DPP7: variants seen among roughly 807,000 people sequenced by gnomAD.
DPP7 encodes dipeptidyl peptidase 7, also known as dipeptidyl peptidase 2.
Under a neutral mutation model 58.8 loss-of-function variants are expected in DPP7, and 74 were observed. The ratio of observed to expected loss-of-function variants is 1.26; its 90% CI spans 1.04 to 1.53. The LOEUF is 1.53. Ranked by LOEUF, DPP7 falls within the 40% of genes most tolerant of loss-of-function variation. DPP7 has a pLI of 0.00. For synonymous variants in DPP7, 350 were observed against 303.6 expected (o/e 1.15, Z -1.59); for missense variants, 807 against 692.3 (o/e 1.17, Z -1.86).
intron 11 of DPP7, 67 bp downstream of exon 11, chr9:137,111,623 G>A: frequency 6.4e-7 from 1 of 1,564,196 alleles, no homozygotes; most frequent in Non-Finnish European, 8.8e-7. Flanking sequence ...GGGCGCCAGA[G>A]AAAGACCCTG....
rs1414482248 is a variant in DPP7 at position 137,114,548 on chromosome 9, C to A, written c.96G>T (p.Gln32His). Residue 32 changes from glutamine (Q) to histidine (H), a missense_variant, in exon 2 of 13, where the codon CAG becomes CAT. By Grantham distance (24) the Gln-to-His change is conservative. This residue lies in a region of DPP7 where 168 missense variants were observed against 124.1 expected (regional missense o/e 1.35). Transcript: ENST00000371579. ...GARRAPDPGF[Q>H]ERFFQQRLDH... ...CCAGACGCTGCTGGAAGAAGCGCTCCTGGAAGCCGGGGTCCGGGGCCCTGC... is the reference window on the plus strand; with the variant it reads ...CCAGACGCTGCTGGAAGAAGCGCTCATGGAAGCCGGGGTCCGGGGCCCTGC... 1 of 1,566,856 alleles carries A rather than the reference C, an allele frequency of 6.4e-7. No individual in the cohort carries two copies. The highest frequency in any genetic ancestry group is 1.2e-5 in the South Asian group (1 of 86,012).
intron 11 of DPP7, 150 bp downstream of exon 11, chr9:137,111,540 C>T: frequency 1.2e-6 from 1 of 816,140 alleles, no homozygotes. Flanking sequence ...CCTGTAGTCC[C>T]AGTTACTGGG....
upstream of DPP7, among the ~76,000 whole-genome samples, chr9:137,117,279 C>A (rs1438061385): frequency 6.6e-6 from 1 of 152,212 alleles, no homozygotes. Flanking sequence ...GCAGGAGGAC[C>A]CCAGGTCTGC....
upstream of DPP7, among the ~76,000 whole-genome samples, chr9:137,115,475 G>A (rs1178675234): frequency 6.6e-6 from 1 of 152,178 alleles, no homozygotes; most frequent in Non-Finnish European, 1.5e-5. Context: ...GTGGGTGCCA[G>A]ACTAGCTACG....
rs1001229725 is a variant in DPP7 at position 137,112,337 on chromosome 9, C to T, written c.932-107G>A. 1.5e-5 allele frequency: 14 copies of T among 958,362 alleles called. No homozygotes were observed. In the South Asian group the frequency reaches 2.3e-4, roughly 16 times the overall value. The allele number at this position is 958,362 out of a possible 1,614,324, so 59.4% of individuals were successfully genotyped here. On this transcript the variant is annotated intron_variant, in intron 8 of 12. Coordinates refer to ENST00000371579, the MANE Select transcript of DPP7 (RefSeq NM_013379.3). ...ATGGTCCTGCAGGGGATCTGGGGCT[C>T]TGGGATCTGTAGGTCCCAGTGAGGA...
In DPP7 at chr9:137,112,959, G is replaced by A. The variant is rs147788989; in HGVS notation, c.864C>T (p.Pro288=). 1.1e-5 allele frequency: 18 copies of A among 1,613,322 alleles called. No homozygotes were observed. The East Asian group carries it at 2.5e-4, about 22-fold the overall frequency. The change falls in exon 7 of 13, where the codon CCC becomes CCT. Residue 288 remains proline, a synonymous_variant. Transcript: ENST00000371579. The stretch of plus-strand genomic sequence containing the variant: ...CTGGGAGGCGGCGCCTCACCTTGAC[G>A]GGGTTGGCAGGGAGGGGACCCAGGA... The part of the protein sequence containing the change: ...TDFLGPLPAN[P]VKVGCDRLLS...
At chr9:137,112,678 C>A (rs1172142033) in intron 8 of DPP7, 67 bp downstream of exon 8, 2 of 1,533,126 alleles carry the variant, frequency 1.3e-6, no homozygotes, top group African/African-American at 1.4e-5. Flanking sequence ...TCGCCCCACC[C>A]GGCCCCAGGA....
intron 6 of DPP7, 43 bp downstream of exon 6, chr9:137,113,163 G>T (rs1239196059): frequency 1.1e-5 from 18 of 1,613,562 alleles, no homozygotes; most frequent in Non-Finnish European, 1.5e-5. Context: ...CATAGCTGGC[G>T]CTGGGGCGGG....
chr9:137,114,633 G>T lies in DPP7; in HGVS notation c.67+14C>A. ...CCGGGACCGGGGAATGGGCCGGGGG[G>T]CGCCGCCACTCACCCCCCGCCTGGA... On this transcript the variant is annotated intron_variant, in intron 1 of 12. Coordinates refer to ENST00000371579, the MANE Select transcript of DPP7 (RefSeq NM_013379.3). The T allele has an allele frequency of 7.2e-7, 1 of 1,397,048 alleles. No homozygotes were observed. The highest frequency in any genetic ancestry group is 9.3e-7 in the Non-Finnish European group (1 of 1,076,068). 86.5% of individuals were successfully genotyped at this position (1,397,048 alleles called of 1,614,324 possible).
chr9:137,114,645 A>G lies in DPP7; in HGVS notation c.67+2T>C. The G allele has an allele frequency of 7.3e-7, 1 of 1,375,168 alleles. No individual in the cohort carries two copies. The highest frequency in any genetic ancestry group is 9.4e-7 in the Non-Finnish European group (1 of 1,065,470). 85.2% of individuals were successfully genotyped at this position (1,375,168 alleles called of 1,614,324 possible). On this transcript the variant is annotated splice_donor_variant, in intron 1 of 12. Coordinates refer to ENST00000371579, the MANE Select transcript of DPP7 (RefSeq NM_013379.3). LOFTEE classifies it high-confidence loss of function. ...AATGGGCCGGGGGGCGCCGCCACTC[A>G]CCCCCCGCCTGGAGGCCGCGCAGCC...
intron 1 of DPP7, 30 bp from the exon 2 acceptor site, chr9:137,114,606 G>T: frequency 6.9e-7 from 1 of 1,453,684 alleles, no homozygotes. Context: ...TCAGAGGCGG[G>T]GCCGGGACCG....
upstream of DPP7, among the ~76,000 whole-genome samples, chr9:137,115,720 G>A (rs1385593903): frequency 1.3e-5 from 2 of 152,080 alleles, no homozygotes; most frequent in Non-Finnish European, 2.9e-5. Flanking sequence ...CATGGTGGGT[G>A]ACTGGTGGCT....
chr9:137,110,609 C>T lies in DPP7; in HGVS notation c.*39G>A, dbSNP rs764526435. 5.0e-6 allele frequency: 8 copies of T among 1,590,634 alleles called. No individual in the cohort carries two copies. The highest frequency in any genetic ancestry group is 6.8e-6 in the Non-Finnish European group (8 of 1,168,300). ...CCGCCAGCTGCTTGAGTGAAGCCCC[C>T]ACTCCATGAGGAGCCTTGAGACCCC... On this transcript the variant is annotated 3_prime_UTR_variant, in exon 13 of 13. Transcript: ENST00000371579.
Position 137,114,528 on chromosome 9 carries a change from C to T in DPP7, c.116G>A (p.Arg39His). Reference sequence around the variant, plus strand: ...GCGCTCGAAGTTGAAGTGGTCCAGACGCTGCTGGAAGAAGCGCTCCTGGAA... The same window carrying T: ...GCGCTCGAAGTTGAAGTGGTCCAGATGCTGCTGGAAGAAGCGCTCCTGGAA... ...PGFQERFFQQ[R>H]LDHFNFERFG... Residue 39 changes from arginine to histidine, a missense_variant, in exon 2 of 13, where the codon CGT (arginine) becomes CAT (histidine). Arg to His is a conservative substitution (Grantham distance 29). Transcript: ENST00000371579. The T allele has an allele frequency of 3.2e-6, 5 of 1,580,038 alleles. No homozygotes were observed. Among genetic ancestry groups the T allele is most frequent in the Non-Finnish European group, 4.3e-6 (5 of 1,164,470 alleles).
chr9:137,110,936 C>T lies in DPP7; in HGVS notation c.1287G>A (p.Leu429=), dbSNP rs1000152032. The T allele has an allele frequency of 8.7e-6, 14 of 1,612,994 alleles. No individual in the cohort carries two copies. In the African/African-American group the frequency reaches 1.5e-4, roughly 17 times the overall value. Residue 429 remains leucine (L), a synonymous_variant, in exon 12 of 13, where the codon CTG becomes CTA. Transcript: ENST00000371579. Reference sequence around the variant, plus strand: ...TGGTGACGGCGATGACTGAGGCACTCAGGTTCCTCCGAATCTGTGGTCAGT... The same window carrying T: ...TGGTGACGGCGATGACTGAGGCACTTAGGTTCCTCCGAATCTGTGGTCAGT... The part of the protein sequence containing the change: ...PWAGGGIRRN[L]SASVIAVTIQ...
At position 137,112,994 on chromosome 9, in the gene DPP7, G is replaced by GGT. The variant is rs755027514; in HGVS notation, c.827_828dup (p.Pro277ThrfsTer22). On this transcript the variant is annotated frameshift_variant, in exon 7 of 13. Transcript: ENST00000371579. LOFTEE classifies it high-confidence loss of function. Reference sequence around the variant, plus strand: ...GGGAGGGGACCCAGGAAGTCAGTGGGGTAGGGGTAGTCCATCATGGCCAGC... The same window carrying GGT: ...GGGAGGGGACCCAGGAAGTCAGTGGGGTGTAGGGGTAGTCCATCATGGCCAGC... 6.2e-7 allele frequency: 1 copy of GGT among 1,613,680 alleles called. No individual in the cohort carries two copies. Among genetic ancestry groups the GGT allele is most frequent in the South Asian group, 1.1e-5 (1 of 91,090 alleles).
At position 137,113,924 on chromosome 9, in the gene DPP7, G is replaced by A. The variant is rs1024769563; in HGVS notation, c.426C>T (p.Leu142=). 6 of 1,581,772 alleles carry A rather than the reference G, an allele frequency of 3.8e-6. No individual in the cohort carries two copies. The Middle Eastern group carries it at 8.9e-4, about 234-fold the overall frequency. ...CCCCGAGGTCGCGTCGTAGCGCGCG[G>A]AGCAGCTCTGCGAAGTCGGCCAGGG... ...EQALADFAEL[L]RALRRDLGAQ... Residue 142 remains leucine, a synonymous_variant, in exon 4 of 13, where the codon CTC becomes CTT. Transcript: ENST00000371579.
Position 137,112,135 on chromosome 9 carries a change from C to T in DPP7, c.1027G>A (p.Asp343Asn), listed in dbSNP as rs774050764. ...ACCTGGTAGTCCCAGGCCCTGGCGT[C>T]GGGGCCGGTGCCGCAGCCAGTGGGG... is the stretch of plus-strand genomic sequence containing the variant. ...ADPTGCGTGPDARAWDYQACT... is the reference protein window; with the variant it reads ...ADPTGCGTGPNARAWDYQACT... Residue 343 changes from aspartate to asparagine, a missense_variant, in exon 9 of 13, where the codon GAC (aspartate) becomes AAC (asparagine). Transcript: ENST00000371579. 3.7e-5 allele frequency: 59 copies of T among 1,610,830 alleles called. No homozygotes were observed. In the Middle Eastern group the frequency reaches 5.0e-4, roughly 14 times the overall value.
chr9:137,112,540 T>C, intron 8 of DPP7: 1 of 703,548 alleles, frequency 1.4e-6, no homozygotes, highest in Non-Finnish European at 2.3e-6. Flanking sequence ...TGGGCCTGGC[T>C]ACAGCCAGTG....
Sources: gnomAD v4.1 joint callset for allele counts (sites outside exome capture counted in the v4.1 genomes callset) on GRCh38, gnomAD v4.1.1 for gene constraint, gnomAD v4.1.1 regional missense constraint, MANE v1.5 for transcripts, NCBI Gene and HGNC (gene_info 2026-07-23, HGNC 2026-07-21) for gene names.